CALB1: variants seen among roughly 807,000 people sequenced by gnomAD.
The protein encoded by CALB1 is calbindin.
In CALB1, 16 loss-of-function variants were observed where a neutral mutation model predicts 46.7. That is an observed-to-expected ratio of 0.34 (90% CI 0.23 to 0.52). CALB1 has a LOEUF of 0.52. Ranked by LOEUF, CALB1 falls within the 20% of genes least tolerant of loss-of-function variation. CALB1 has a pLI of 0.95. For missense variants in CALB1, 224 were observed against 300.3 expected (o/e 0.75, Z 1.88); for synonymous variants, 90 against 112.8 (o/e 0.80, Z 1.28).
chr8:90,071,454 T>C (rs1413557151), intron 3 of CALB1, among the ~76,000 whole-genome samples: 1 of 152,034 alleles, frequency 6.6e-6, no homozygotes, highest in Admixed American at 6.6e-5. Context: ...GGGCTCGGCA[T>C]GGAGAGGGGC....
At chr8:90,075,218 G>C (rs1034653824) in intron 3 of CALB1, among the ~76,000 whole-genome samples, 5 of 152,166 alleles carry the variant, frequency 3.3e-5, no homozygotes, top group African/African-American at 1.2e-4. Context: ...TGTCACGTTA[G>C]AACTTTGAAA....
intron 1 of CALB1, 78 bp from the exon 2 acceptor site, chr8:90,082,180 T>A: frequency 7.7e-7 from 1 of 1,297,874 alleles, no homozygotes; most frequent in Non-Finnish European, 1.1e-6. Flanking sequence ...AAGACAGTTA[T>A]CTTTCTGGCG....
intron 2 of CALB1, among the ~76,000 whole-genome samples, chr8:90,078,935 T>A (rs1214143540): frequency 6.6e-6 from 1 of 152,024 alleles, no homozygotes; most frequent in African/African-American, 2.4e-5. Flanking sequence ...AAAGATTAAC[T>A]CACTTTGTAA....
intron 5 of CALB1, 100 bp from the exon 6 acceptor site, chr8:90,066,075 AAGTCTCCTTTTGAGGGG>A (rs1363766031): frequency 1.3e-6 from 1 of 786,972 alleles, no homozygotes; most frequent in Non-Finnish European, 2.1e-6. Flanking sequence ...AATGCAAAGA[AAGTCTCCTTTTGAGGGG>A]TAGAAGCAGG....
At chr8:90,072,609 G>C (rs562818715) in intron 3 of CALB1, among the ~76,000 whole-genome samples, 1 of 152,140 alleles carries the variant, frequency 6.6e-6, no homozygotes, top group East Asian at 1.9e-4. Context: ...GTTGTCTCTC[G>C]GTTCTTCTCT....
intron 9 of CALB1, chr8:90,062,738 G>A (rs900555300): frequency 1.2e-5 from 2 of 170,748 alleles, no homozygotes; most frequent in African/African-American, 4.8e-5. Context: ...ATGCAAAAAT[G>A]GTGCATCCAC....
At chr8:90,077,242 G>A (rs1298108079) in intron 3 of CALB1, among the ~76,000 whole-genome samples, 5 of 151,812 alleles carry the variant, frequency 3.3e-5, no homozygotes, top group Admixed American at 3.3e-4. Flanking sequence ...CGGGTAAAGG[G>A]GAATGTATGT....
intron 2 of CALB1, among the ~76,000 whole-genome samples, chr8:90,080,139 A>G (rs1166868159): frequency 1.3e-5 from 2 of 152,086 alleles, no homozygotes; most frequent in East Asian, 3.9e-4. Flanking sequence ...CTCAAGAATC[A>G]AGGTATTAAG....
Position 90,082,763 on chromosome 8 carries a change from G to T in CALB1, c.-66C>A. ...TGTCTGTGTCCGCGCGAGGGGGAGT[G>T]AGCAAAAGCTCAGCGTGTGCGCGAG... On this transcript the variant is annotated 5_prime_UTR_variant, in exon 1 of 11. Coordinates refer to ENST00000265431, the MANE Select transcript of CALB1 (RefSeq NM_004929.4). The T allele has an allele frequency of 6.9e-7, 1 of 1,447,158 alleles. No homozygotes were observed. The highest frequency in any genetic ancestry group is 1.1e-5 in the South Asian group (1 of 87,794). 89.6% of individuals were successfully genotyped at this position (1,447,158 alleles called of 1,614,324 possible). A position where few individuals can be genotyped will look rare whatever the true frequency, so the allele number is the denominator to read the frequency against.
At chr8:90,065,576 A>G (rs867948051) in intron 6 of CALB1, among the ~76,000 whole-genome samples, 1 of 151,834 alleles carries the variant, frequency 6.6e-6, no homozygotes, top group Non-Finnish European at 1.5e-5. Flanking sequence ...TACCTTATAT[A>G]TGTGTAAGTT....
chr8:90,076,664 T>C (rs1814628387), intron 3 of CALB1, among the ~76,000 whole-genome samples: 1 of 152,036 alleles, frequency 6.6e-6, no homozygotes, highest in Admixed American at 6.6e-5. Flanking sequence ...ACAGAAAGCC[T>C]TTTCTTTCCT....
At chr8:90,071,273 C>T (rs1805910) in intron 3 of CALB1, among the ~76,000 whole-genome samples, 5,550 of 152,188 alleles carry the variant, frequency 0.036, 325 homozygotes, top group African/African-American at 0.13. Context: ...CACCATTTTC[C>T]TTATAAAAAT....
rs761330008 is a variant in CALB1, at chr8:90,065,915, C to T, written c.433G>A (p.Glu145Lys). ...NKTVDDTKLA[E>K]YTDLMLKLFD... ...AGTCTTACCATTAGGTCTGTATACTCGGCTAATTTTGTGTCATCAACAGTC... is the reference window on the plus strand; with the variant it reads ...AGTCTTACCATTAGGTCTGTATACTTGGCTAATTTTGTGTCATCAACAGTC... Residue 145 changes from glutamate to lysine, a missense_variant, in exon 6 of 11, where the codon GAG becomes AAG. Coordinates refer to ENST00000265431, the MANE Select transcript of CALB1 (RefSeq NM_004929.4). The T allele has an allele frequency of 1.7e-5, 27 of 1,609,486 alleles. No homozygotes were observed. Among genetic ancestry groups the T allele is most frequent in the Admixed American group, 1.3e-4 (8 of 59,878 alleles).
chr8:90,072,079 T>C (rs538226435), intron 3 of CALB1, among the ~76,000 whole-genome samples: 3 of 152,336 alleles, frequency 2.0e-5, no homozygotes, highest in East Asian at 3.8e-4. Context: ...CTCTATTTTG[T>C]TTGGATTTTT....
intron 9 of CALB1, chr8:90,061,449 G>A (rs899478814): frequency 3.9e-5 from 6 of 152,072 alleles, no homozygotes; most frequent in African/African-American, 1.4e-4. Flanking sequence ...AATTATCCCT[G>A]TTTGCAGATA....
At chr8:90,081,479 T>C in intron 2 of CALB1, 7 of 984,276 alleles carry the variant, frequency 7.1e-6, no homozygotes, top group Non-Finnish European at 8.4e-6. Context: ...CAATAATAAT[T>C]GGTGATAGAG....
rs549794468 is a variant in CALB1, at chr8:90,067,406, T to C, written c.373-1431A>G. Among the ~76,000 whole-genome samples, 172 of 152,254 alleles carry C rather than the reference T, an allele frequency of 1.1e-3. 1 individual carries two copies. Among genetic ancestry groups the C allele is most frequent in the African/African-American group, 4.0e-3 (166 of 41,576 alleles). On this transcript the variant is annotated intron_variant, in intron 5 of 10. Transcript: ENST00000265431. ...AATATTTAGAGGTCAGTATTGGAAA[T>C]GAGCTAAGGTTTTCATTATGAACTA... is the stretch of plus-strand genomic sequence containing the variant.
chr8:90,066,293 T>A (rs752159877), intron 5 of CALB1, among the ~76,000 whole-genome samples: 2 of 152,006 alleles, frequency 1.3e-5, no homozygotes, highest in Non-Finnish European at 2.9e-5. Context: ...GCCAGCCCAA[T>A]GGATGCATTT....
intron 3 of CALB1, among the ~76,000 whole-genome samples, chr8:90,070,539 T>TGTGTATGCCC (rs1814493374): frequency 6.6e-6 from 1 of 152,246 alleles, no homozygotes; most frequent in South Asian, 2.1e-4. Context: ...TTCTTATGCC[T>TGTGTATGCCC]GTGTATGCCC....
Sources: allele counts gnomAD v4.1 joint callset (sites outside exome capture counted in the v4.1 genomes callset), GRCh38; gene constraint gnomAD v4.1.1; transcripts MANE v1.5; gene names NCBI Gene and HGNC (gene_info 2026-07-23, HGNC 2026-07-21).